C9orf85: variants seen among roughly 807,000 people sequenced by gnomAD.
C9orf85 encodes the protein uncharacterized protein C9orf85.
A neutral mutation model predicts 14.9 loss-of-function variants in C9orf85; 16 were observed. The observed-to-expected ratio is 1.08, with a 90% CI of 0.73 to 1.63. The LOEUF is 1.63. C9orf85 is among the 40% of genes most tolerant of loss of function. C9orf85 has a pLI of 0.00. For missense variants in C9orf85, 172 were observed against 186.1 expected (o/e 0.92, Z 0.44); for synonymous variants, 45 against 56.8 (o/e 0.79, Z 0.93).
At chr9:71,957,369 C>T (rs1822406166) in intron 2 of C9orf85, among the ~76,000 whole-genome samples, 2 of 152,030 alleles carry the variant, frequency 1.3e-5, no homozygotes, top group Admixed American at 1.3e-4. Flanking sequence ...AATTTTGCAC[C>T]AAACTCCAGG....
chr9:71,972,290 G>A (rs528083267), intron 3 of C9orf85, among the ~76,000 whole-genome samples: 5 of 151,260 alleles, frequency 3.3e-5, no homozygotes, highest in Middle Eastern at 3.4e-3. Context: ...AAGGAGTTTC[G>A]CTCTTGTTGT....
At chr9:71,936,347 A>G (rs1828191547) in intron 1 of C9orf85, among the ~76,000 whole-genome samples, 1 of 152,206 alleles carries the variant, frequency 6.6e-6, no homozygotes, top group African/African-American at 2.4e-5. Context: ...AAAAGAAGGG[A>G]CTGAACAGGG....
At chr9:71,927,037 G>T (rs890024123) in intron 1 of C9orf85, among the ~76,000 whole-genome samples, 2 of 152,044 alleles carry the variant, frequency 1.3e-5, no homozygotes, top group Admixed American at 6.6e-5. Context: ...GGTGAGGTTG[G>T]TAAACTCCAG....
downstream of C9orf85, among the ~76,000 whole-genome samples, chr9:71,975,007 T>C (rs1170372693): frequency 1.3e-5 from 2 of 152,248 alleles, no homozygotes; most frequent in Non-Finnish European, 2.9e-5. Context: ...CTTAAGGATG[T>C]AATACTAATT....
chr9:71,921,686 A>G (rs1464600018), intron 1 of C9orf85, among the ~76,000 whole-genome samples: 1 of 152,226 alleles, frequency 6.6e-6, no homozygotes, highest in African/African-American at 2.4e-5. Flanking sequence ...ACCTTTGCCA[A>G]ATAAACCTCT....
At chr9:71,961,743 C>A (rs542348749) in intron 2 of C9orf85, among the ~76,000 whole-genome samples, 1 of 152,224 alleles carries the variant, frequency 6.6e-6, no homozygotes, top group Admixed American at 6.5e-5. Context: ...CAGTAGAGAG[C>A]TTTTATTACT....
At chr9:71,960,106 A>C (rs1376961212) in intron 2 of C9orf85, among the ~76,000 whole-genome samples, 1 of 152,220 alleles carries the variant, frequency 6.6e-6, no homozygotes, top group Non-Finnish European at 1.5e-5. Context: ...ACACAAGGTA[A>C]GGCTGCAGAA....
At chr9:71,936,044 G>A (rs1420718226) in intron 1 of C9orf85, among the ~76,000 whole-genome samples, 2 of 151,902 alleles carry the variant, frequency 1.3e-5, no homozygotes, top group African/African-American at 2.4e-5. Flanking sequence ...GAAAGAGGAA[G>A]AAGTAAAAAA....
chr9:71,917,260 G>C (rs1430695421), intron 1 of C9orf85, among the ~76,000 whole-genome samples: 1 of 152,216 alleles, frequency 6.6e-6, no homozygotes, highest in African/African-American at 2.4e-5. Flanking sequence ...TGTTTGAAAT[G>C]TTCTAGGGAG....
At chr9:71,960,413 A>C (rs1822484057) in intron 2 of C9orf85, among the ~76,000 whole-genome samples, 1 of 152,202 alleles carries the variant, frequency 6.6e-6, no homozygotes, top group Admixed American at 6.5e-5. Context: ...GTTGCCTATC[A>C]AAAGGAGGTT....
Position 71,918,320 on chromosome 9 carries a change from C to A in C9orf85, c.102+6484C>A, listed in dbSNP as rs75940061. ...TATTTTAAAAGACAACTATTTTATTCTTCAGAAATAAAAACAAGTTAACAT... is the reference window on the plus strand; with the variant it reads ...TATTTTAAAAGACAACTATTTTATTATTCAGAAATAAAAACAAGTTAACAT... On this transcript the variant is annotated intron_variant, in intron 1 of 3. Transcript: ENST00000334731. 3.2e-3 allele frequency: 1,832 copies of A among 575,484 alleles called. 32 individuals carry two copies. The African/African-American group carries it at 0.033, about 10-fold the overall frequency. 35.6% of individuals were successfully genotyped at this position (575,484 alleles called of 1,614,324 possible). A position where few individuals can be genotyped will look rare whatever the true frequency, so the allele number is the denominator to read the frequency against.
intron 2 of C9orf85, among the ~76,000 whole-genome samples, chr9:71,965,792 T>C (rs1458306508): frequency 6.6e-6 from 1 of 152,170 alleles, no homozygotes; most frequent in Non-Finnish European, 1.5e-5. Context: ...TAAACAGTGG[T>C]GACCTGTGTT....
chr9:71,956,314 A>C (rs2132327488), intron 2 of C9orf85, among the ~76,000 whole-genome samples: 1 of 130,012 alleles, frequency 7.7e-6, no homozygotes, highest in East Asian at 2.3e-4. Flanking sequence ...GTAATGCGCG[A>C]TCTTGGCTCG....
chr9:71,975,459 G>A (rs1226318061), downstream of C9orf85, among the ~76,000 whole-genome samples: 5 of 145,764 alleles, frequency 3.4e-5, no homozygotes, highest in Non-Finnish European at 6.0e-5. Flanking sequence ...AAAAAAAAAC[G>A]TGGAGACAAA....
Position 71,921,612 on chromosome 9 carries a change from C to A in C9orf85, c.102+9776C>A, listed in dbSNP as rs540323973. ...TGTACAAAACCAAACTGTATCCCAA[C>A]CAGCCCATCTTGGGTACTTGTTCCC... On this transcript the variant is annotated intron_variant, in intron 1 of 3. Coordinates refer to ENST00000334731, the MANE Select transcript of C9orf85 (RefSeq NM_182505.5). 4.6e-5 allele frequency among the ~76,000 whole-genome samples: 7 copies of A among 152,340 alleles called. 1 individual carries two copies. In the East Asian group the frequency reaches 1.4e-3, roughly 29 times the overall value.
At chr9:71,976,273 G>A (rs1246388952), downstream of C9orf85, among the ~76,000 whole-genome samples, 1 of 152,136 alleles carries the variant, frequency 6.6e-6, no homozygotes, top group East Asian at 1.9e-4. Flanking sequence ...TCTGGCAGGA[G>A]GATATCAAGA....
chr9:71,922,868 G>T (rs561466577), intron 1 of C9orf85, among the ~76,000 whole-genome samples: 4 of 152,186 alleles, frequency 2.6e-5, no homozygotes, highest in Non-Finnish European at 4.4e-5. Flanking sequence ...CATGGCTCAC[G>T]CCTGTAATCC....
intron 2 of C9orf85, among the ~76,000 whole-genome samples, chr9:71,959,594 A>G (rs894209688): frequency 6.6e-6 from 1 of 152,194 alleles, no homozygotes; most frequent in African/African-American, 2.4e-5. Flanking sequence ...TAGATTTTTT[A>G]AAGTTTCATA....
intron 1 of C9orf85, among the ~76,000 whole-genome samples, chr9:71,939,773 A>T (rs899632322): frequency 3.3e-5 from 5 of 152,192 alleles, no homozygotes; most frequent in Admixed American, 3.3e-4. Flanking sequence ...ACATAGATTA[A>T]TGTGACAGGA....
Sources: allele counts gnomAD v4.1 joint callset (sites outside exome capture counted in the v4.1 genomes callset), GRCh38; gene constraint gnomAD v4.1.1; transcripts MANE v1.5; gene names NCBI Gene and HGNC (gene_info 2026-07-23, HGNC 2026-07-21).